The following SGIP1 variants were observed in gnomAD, a reference collection of about 807,000 sequenced individuals.
SGIP1 encodes the protein SH3GL interacting endocytic adaptor 1, also known as SH3-containing GRB2-like protein 3-interacting protein 1.
In SGIP1, 38 loss-of-function variants were observed where a neutral mutation model predicts 107.5. The ratio of observed to expected loss-of-function variants is 0.35; its 90% CI spans 0.27 to 0.46. The LOEUF (loss-of-function observed/expected upper bound fraction) is 0.46. SGIP1 is among the 20% of genes least tolerant of loss of function. The probability of loss-of-function intolerance (pLI) is 1.00; values close to 1 mark genes in which losing one functional copy is unlikely to be tolerated. For synonymous variants in SGIP1, 365 were observed against 366.1 expected (o/e 1.00, Z 0.03); for missense variants, 929 against 1,019.5 (o/e 0.91, Z 1.21).
At chr1:66,547,516 C>A (rs953891054) in intron 1 of SGIP1, among the ~76,000 whole-genome samples, 1 of 152,168 alleles carries the variant, frequency 6.6e-6, no homozygotes, top group Non-Finnish European at 1.5e-5. Flanking sequence ...TTCCTGCTAT[C>A]TTCTGTCTTC....
At chr1:66,595,836 G>C (rs2064554121) in intron 1 of SGIP1, among the ~76,000 whole-genome samples, 1 of 152,178 alleles carries the variant, frequency 6.6e-6, no homozygotes, top group African/African-American at 2.4e-5. Flanking sequence ...GGTACATACT[G>C]TATGAGTCCA....
chr1:66,563,451 C>T (rs2059232054), intron 1 of SGIP1, among the ~76,000 whole-genome samples: 1 of 152,014 alleles, frequency 6.6e-6, no homozygotes, highest in Non-Finnish European at 1.5e-5. Flanking sequence ...TGCCCGATTC[C>T]ACCAAGGTGA....
chr1:66,660,203 GAAAGA>G, intron 7 of SGIP1: 1 of 200,124 alleles, frequency 5.0e-6, no homozygotes, highest in Non-Finnish European at 8.1e-6. Context: ...AAGAAAGAAA[GAAAGA>G]AAGAAAGAGA....
At chr1:66,712,236 C>G (rs1315106660) in intron 18 of SGIP1, among the ~76,000 whole-genome samples, 2 of 152,114 alleles carry the variant, frequency 1.3e-5, no homozygotes, top group Non-Finnish European at 2.9e-5. Flanking sequence ...GTGACAAATG[C>G]CACAACACCC....
chr1:66,653,978 C>CAA (rs1181582481), intron 7 of SGIP1, among the ~76,000 whole-genome samples: 2 of 152,148 alleles, frequency 1.3e-5, no homozygotes. Context: ...TTTCTAACAA[C>CAA]AAATCTTGCA....
intron 18 of SGIP1, among the ~76,000 whole-genome samples, chr1:66,708,785 A>T (rs549907398): frequency 5.3e-5 from 8 of 152,224 alleles, no homozygotes; most frequent in East Asian, 1.9e-4. Flanking sequence ...AAGCAAAAAA[A>T]ATATATATGC....
intron 18 of SGIP1, among the ~76,000 whole-genome samples, chr1:66,699,368 C>G (rs1244921047): frequency 3.3e-5 from 5 of 152,100 alleles, no homozygotes; most frequent in African/African-American, 1.2e-4. Context: ...CAGAGCAGTC[C>G]TCTGCATTTA....
chr1:66,608,760 G>A (rs184112898), intron 1 of SGIP1, among the ~76,000 whole-genome samples: 44 of 152,296 alleles, frequency 2.9e-4, no homozygotes, highest in African/African-American at 8.7e-4. Context: ...ACCTTAAAAC[G>A]GGAGGAGGCA....
intron 2 of SGIP1, among the ~76,000 whole-genome samples, chr1:66,627,462 G>A (rs916403168): frequency 6.6e-6 from 1 of 152,128 alleles, no homozygotes; most frequent in African/African-American, 2.4e-5. Flanking sequence ...CAGATAGGAA[G>A]GGCCTTAAGT....
At chr1:66,542,382 C>T (rs2055186867) in intron 1 of SGIP1, among the ~76,000 whole-genome samples, 2 of 152,154 alleles carry the variant, frequency 1.3e-5, no homozygotes, top group African/African-American at 4.8e-5. Context: ...ATACAGTATG[C>T]ACCTCTCTTC....
Position 66,639,779 on chromosome 1 carries a change from G to A in SGIP1, c.174G>A (p.Lys58=), listed in dbSNP as rs1255559945. Residue 58 remains lysine, a splice_region_variant and synonymous_variant, in exon 5 of 25, where the codon AAG becomes AAA. Coordinates refer to ENST00000371037, the MANE Select transcript of SGIP1 (RefSeq NM_032291.4). ...CAREGGKKVS[K]KSNGAPNGFY... is the part of the protein sequence containing the mutation. ...ATTCATTTTCAAATTTATTACAGAA[G>A]AAAAGCAATGGGGCACCAAATGGAT... 1 of 1,610,092 alleles carries A rather than the reference G, an allele frequency of 6.2e-7. No individual in the cohort carries two copies. The highest frequency in any genetic ancestry group is 8.5e-7 in the Non-Finnish European group (1 of 1,177,666).
chr1:66,569,433 T>A (rs184095139), intron 1 of SGIP1, among the ~76,000 whole-genome samples: 11 of 152,110 alleles, frequency 7.2e-5, no homozygotes, highest in African/African-American at 7.2e-5. Flanking sequence ...GATTTTTTTT[T>A]AATCAGAAAT....
At chr1:66,560,702 A>G (rs1026909830) in intron 1 of SGIP1, among the ~76,000 whole-genome samples, 1 of 152,050 alleles carries the variant, frequency 6.6e-6, no homozygotes, top group Admixed American at 6.6e-5. Context: ...TTACTAATAA[A>G]TGTTACTTTT....
intron 18 of SGIP1, among the ~76,000 whole-genome samples, chr1:66,717,411 A>C (rs531143719): frequency 6.6e-6 from 1 of 152,112 alleles, no homozygotes; most frequent in African/African-American, 2.4e-5. Flanking sequence ...CTTTTCTGAG[A>C]CCCAACCATG....
At chr1:66,719,575 T>C (rs1221922119) in intron 19 of SGIP1, among the ~76,000 whole-genome samples, 170 bp downstream of exon 19, 1 of 152,182 alleles carries the variant, frequency 6.6e-6, no homozygotes, top group Non-Finnish European at 1.5e-5. Context: ...GGAATATTGA[T>C]TTCATGCTTT....
intron 5 of SGIP1, among the ~76,000 whole-genome samples, chr1:66,641,811 G>A (rs1215693664): frequency 6.6e-6 from 1 of 152,020 alleles, no homozygotes; most frequent in Non-Finnish European, 1.5e-5. Context: ...GTTCAACTGG[G>A]AGTACCAGCA....
At chr1:66,590,164 T>A (rs888964477) in intron 1 of SGIP1, among the ~76,000 whole-genome samples, 2 of 152,222 alleles carry the variant, frequency 1.3e-5, no homozygotes, top group Non-Finnish European at 2.9e-5. Flanking sequence ...AAAATTTTCA[T>A]ACTCATTTTG....
At position 66,743,186 on chromosome 1, in the gene SGIP1, C is replaced by A; in HGVS notation, c.*91C>A. On this transcript the variant is annotated 3_prime_UTR_variant, in exon 25 of 25. Transcript: ENST00000371037. ...TAATTTTGGTTTGATGAAAACAAAC[C>A]AATATCTGCACTTGGGATATATCAG... is the stretch of plus-strand genomic sequence containing the variant. 7.7e-7 allele frequency: 1 copy of A among 1,306,224 alleles called. No homozygotes were observed. The highest frequency in any genetic ancestry group is 1.1e-6 in the Non-Finnish European group (1 of 913,456). The allele number at this position is 1,306,224 out of a possible 1,614,324, so 80.9% of individuals were successfully genotyped here.
chr1:66,716,377 T>G (rs755071655), intron 18 of SGIP1, among the ~76,000 whole-genome samples: 5 of 152,220 alleles, frequency 3.3e-5, no homozygotes, highest in Non-Finnish European at 7.3e-5. Context: ...TATTAAATGC[T>G]TTGCAGAATT....
Sources: allele counts gnomAD v4.1 joint callset (sites outside exome capture counted in the v4.1 genomes callset), GRCh38; gene constraint gnomAD v4.1.1; transcripts MANE v1.5; gene names NCBI Gene and HGNC (gene_info 2026-07-23, HGNC 2026-07-21).